The following AFG2A variants were observed in gnomAD, a reference collection of about 807,000 sequenced individuals.
The protein encoded by AFG2A is ATPase family gene 2 protein homolog A.
At chr4:123,146,601 G>A in the AFG2A span, among the ~76,000 whole-genome samples, 18 of 152,250 alleles carry the variant, frequency 1.2e-4, no homozygotes, top group Admixed American at 3.3e-4. Flanking sequence ...ATAGACATCA[G>A]AGATAACATG....
At chr4:123,115,870 A>AC in the AFG2A span, among the ~76,000 whole-genome samples, 13 of 152,290 alleles carry the variant, frequency 8.5e-5, no homozygotes, top group East Asian at 2.5e-3. Flanking sequence ...TGATGGATGG[A>AC]CTAGCAGCTT....
the AFG2A span, among the ~76,000 whole-genome samples, chr4:123,273,564 A>G: frequency 6.6e-6 from 1 of 152,180 alleles, no homozygotes; most frequent in Admixed American, 6.5e-5. Flanking sequence ...AGTCAGTAGG[A>G]TTGAGTATAC....
the AFG2A span, among the ~76,000 whole-genome samples, chr4:122,930,454 GA>G: frequency 6.6e-5 from 10 of 152,200 alleles, no homozygotes; most frequent in African/African-American, 2.4e-4. Flanking sequence ...TACTATTGTA[GA>G]TTTTAGACTT....
the AFG2A span, among the ~76,000 whole-genome samples, chr4:123,054,550 C>G: frequency 6.6e-6 from 1 of 151,980 alleles, no homozygotes; most frequent in Non-Finnish European, 1.5e-5. Context: ...AACCCTGTCT[C>G]TACTAAAAGT....
the AFG2A span, among the ~76,000 whole-genome samples, chr4:123,007,608 G>GTGTA: frequency 0.02 from 360 of 18,064 alleles, 2 homozygotes; most frequent in Non-Finnish European, 0.028. Flanking sequence ...GTGTGTGTGT[G>GTGTA]TATATATATA....
At chr4:123,120,012 C>T in the AFG2A span, among the ~76,000 whole-genome samples, 2 of 152,020 alleles carry the variant, frequency 1.3e-5, no homozygotes, top group African/African-American at 4.8e-5. Flanking sequence ...GGGGAAGCTG[C>T]CCCCATGATG....
At chr4:123,022,102 AT>A in the AFG2A span, among the ~76,000 whole-genome samples, 1 of 152,098 alleles carries the variant, frequency 6.6e-6, no homozygotes, top group South Asian at 2.1e-4. Context: ...AAACCTAGGC[AT>A]TACCATTCAG....
At chr4:123,117,939 A>G in the AFG2A span, among the ~76,000 whole-genome samples, 1 of 151,986 alleles carries the variant, frequency 6.6e-6, no homozygotes, top group Non-Finnish European at 1.5e-5. Flanking sequence ...TAGATCTCAG[A>G]TGGAGGTGGA....
At chr4:123,168,635 A>G in the AFG2A span, among the ~76,000 whole-genome samples, 5 of 152,206 alleles carry the variant, frequency 3.3e-5, no homozygotes, top group East Asian at 9.6e-4. Context: ...TTAGTTATGC[A>G]TAGAATATTT....
At chr4:123,256,376 T>C in the AFG2A span, among the ~76,000 whole-genome samples, 66 of 152,346 alleles carry the variant, frequency 4.3e-4, no homozygotes, top group African/African-American at 1.6e-3. Flanking sequence ...AATTGTTTTT[T>C]ACTTGCTCCT....
At chr4:123,275,392 T>C in the AFG2A span, among the ~76,000 whole-genome samples, 1 of 152,134 alleles carries the variant, frequency 6.6e-6, no homozygotes, top group Non-Finnish European at 1.5e-5. Flanking sequence ...TTTGGTCTCT[T>C]TGGAGCAAGG....
chr4:123,081,197 T>C, the AFG2A span, among the ~76,000 whole-genome samples: 1 of 152,222 alleles, frequency 6.6e-6, no homozygotes, highest in Non-Finnish European at 1.5e-5. Context: ...AACATATATC[T>C]ACCATGATAC....
the AFG2A span, among the ~76,000 whole-genome samples, chr4:123,046,096 C>CAA: frequency 2.3e-5 from 3 of 127,704 alleles, no homozygotes; most frequent in Non-Finnish European, 5.0e-5. Context: ...GACTCCATCT[C>CAA]AAAAAAAAAA....
At chr4:123,135,059 A>G in the AFG2A span, among the ~76,000 whole-genome samples, 1 of 152,220 alleles carries the variant, frequency 6.6e-6, no homozygotes, top group Non-Finnish European at 1.5e-5. Context: ...ATCATTTACC[A>G]GTAGATCAAG....
the AFG2A span, among the ~76,000 whole-genome samples, chr4:123,220,415 G>C: frequency 3.3e-5 from 5 of 151,438 alleles, no homozygotes; most frequent in African/African-American, 1.2e-4. Flanking sequence ...TTCCAGACCA[G>C]CCTGGCCGAT....
the AFG2A span, among the ~76,000 whole-genome samples, chr4:123,243,580 C>T: frequency 2.0e-5 from 3 of 152,156 alleles, no homozygotes; most frequent in Non-Finnish European, 4.4e-5. Context: ...GGGAACATCA[C>T]ACACTGGGGC....
At chr4:123,059,306 C>T in the AFG2A span, among the ~76,000 whole-genome samples, 1 of 129,998 alleles carries the variant, frequency 7.7e-6, no homozygotes, top group East Asian at 2.7e-4. Context: ...CTCCCCCCTC[C>T]CCCGACCCCA....
the AFG2A span, among the ~76,000 whole-genome samples, chr4:123,040,287 C>G: frequency 5.9e-5 from 9 of 151,996 alleles, no homozygotes; most frequent in African/African-American, 2.2e-4. Context: ...ATGTCATTGA[C>G]ATTTTTGATG....
the AFG2A span, among the ~76,000 whole-genome samples, chr4:123,041,550 A>G: frequency 6.6e-6 from 1 of 151,348 alleles, no homozygotes; most frequent in African/African-American, 2.4e-5. Flanking sequence ...TGTTTTTTTG[A>G]GACGGAGTTT....
Sources: gnomAD v4.1 joint callset for allele counts (sites outside exome capture counted in the v4.1 genomes callset) on GRCh38, gnomAD v4.1.1 for gene constraint, MANE v1.5 for transcripts, NCBI Gene and HGNC (gene_info 2026-07-23, HGNC 2026-07-21) for gene names.